Variants in ZNF334 observed in about 807,000 individuals in gnomAD.
ZNF334 encodes the protein zinc finger protein 334.
ZNF334 carries 14 observed loss-of-function variants against 12.4 expected under a neutral mutation model. The observed-to-expected ratio is 1.13, with a 90% confidence interval of 0.74 to 1.76. The LOEUF is 1.76. ZNF334 is among the 40% of genes most tolerant of loss of function. ZNF334 has a pLI of 0.00. For missense variants in ZNF334, 797 were observed against 804.5 expected (o/e 0.99, Z 0.11); for synonymous variants, 273 against 269.6 (o/e 1.01, Z -0.12).
chr20:46,469,090 T>A, the ZNF334 span, among the ~76,000 whole-genome samples: 44 of 152,214 alleles, frequency 2.9e-4, no homozygotes, highest in Non-Finnish European at 5.9e-4. Context: ...TTACTTTTTT[T>A]ATCAACAAAA....
chr20:46,463,727 G>A, the ZNF334 span: 1 of 235,164 alleles, frequency 4.3e-6, no homozygotes, highest in African/African-American at 2.2e-5. Flanking sequence ...CACACTCCTT[G>A]GGGAAAGGTC....
chr20:46,501,104 T>C lies in ZNF334; in HGVS notation c.*192A>G, dbSNP rs2061141678. 2 of 627,994 alleles carry C rather than the reference T, an allele frequency of 3.2e-6. No homozygotes were observed. Among genetic ancestry groups the C allele is most frequent in the Non-Finnish European group, 2.6e-6 (1 of 384,500 alleles). 38.9% of individuals were successfully genotyped at this position (627,994 alleles called of 1,614,324 possible). On this transcript the variant is annotated 3_prime_UTR_variant, in exon 5 of 5. Transcript: ENST00000692313. ...TATTTTCATAGTTCACAATGAATAA[T>C]ACATTTATTAAACAAATTATTTCTT...
At chr20:46,463,536 G>A in the ZNF334 span, among the ~76,000 whole-genome samples, 1 of 152,146 alleles carries the variant, frequency 6.6e-6, no homozygotes, top group Non-Finnish European at 1.5e-5. Context: ...CCCAAAGCAG[G>A]GCCGCAGCTT....
the ZNF334 span, among the ~76,000 whole-genome samples, chr20:46,482,951 T>C: frequency 6.6e-6 from 1 of 152,166 alleles, no homozygotes; most frequent in African/African-American, 2.4e-5. Context: ...TCTCTACATA[T>C]TCTTAAACTT....
chr20:46,495,621 C>T (rs571915082), downstream of ZNF334, among the ~76,000 whole-genome samples: 43 of 152,090 alleles, frequency 2.8e-4, no homozygotes, highest in Non-Finnish European at 5.6e-4. Context: ...TTTAAATTAT[C>T]ATGGGGTATA....
At chr20:46,503,625 C>G (rs1212110271) in intron 4 of ZNF334, among the ~76,000 whole-genome samples, 3 of 152,050 alleles carry the variant, frequency 2.0e-5, no homozygotes, top group African/African-American at 7.2e-5. Flanking sequence ...CGAATTTGTA[C>G]AGTGCAAAGG....
chr20:46,465,915 A>G, the ZNF334 span, among the ~76,000 whole-genome samples: 4 of 152,040 alleles, frequency 2.6e-5, no homozygotes, highest in African/African-American at 9.7e-5. Context: ...AGATCGTGCC[A>G]CTTACTCCAG....
rs774886545 is a variant in ZNF334, at chr20:46,509,648, G to A, written c.21+2434C>T. On this transcript the variant is annotated intron_variant, in intron 2 of 4. Coordinates refer to ENST00000692313, the MANE Select transcript of ZNF334 (RefSeq NM_001353824.2). ...TTCCCTTCATTCAAGGTTCACCCACGGTGAGTTAACTTGCGCACACTTCCA... is the reference window on the plus strand; with the variant it reads ...TTCCCTTCATTCAAGGTTCACCCACAGTGAGTTAACTTGCGCACACTTCCA... 2.7e-5 allele frequency: 19 copies of A among 702,984 alleles called. 1 individual carries two copies. Among genetic ancestry groups the A allele is most frequent in the South Asian group, 2.5e-4 (17 of 67,596 alleles). The allele number at this position is 702,984 out of a possible 1,614,324, so 43.5% of individuals were successfully genotyped here.
At chr20:46,484,913 GA>G in the ZNF334 span, 5 of 165,470 alleles carry the variant, frequency 3.0e-5, no homozygotes, top group Middle Eastern at 3.4e-3. Context: ...GGAAGATTGA[GA>G]TGTTAATGAG....
Position 46,508,523 on chromosome 20 carries a change from G to A in ZNF334, c.21+3559C>T, listed in dbSNP as rs1337937494. Reference sequence around the variant, plus strand: ...TCAAGGAGCAAACAGTAGAAACACGGTTAAAAGCAAGAGTGTAAAATTTGG... The same window carrying A: ...TCAAGGAGCAAACAGTAGAAACACGATTAAAAGCAAGAGTGTAAAATTTGG... On this transcript the variant is annotated intron_variant, in intron 2 of 4. Transcript: ENST00000692313. Among the ~76,000 whole-genome samples the A allele has an allele frequency of 2.0e-5, 3 of 152,240 alleles. No individual in the cohort carries two copies. The East Asian group carries it at 5.8e-4, about 29-fold the overall frequency.
chr20:46,466,018 G>C, the ZNF334 span, among the ~76,000 whole-genome samples: 1 of 152,058 alleles, frequency 6.6e-6, no homozygotes, highest in Non-Finnish European at 1.5e-5. Flanking sequence ...TTCATGTTAG[G>C]AAACTAGAGG....
At position 46,504,754 on chromosome 20, in the gene ZNF334, T is replaced by C; in HGVS notation, c.22-14A>G. On this transcript the variant is annotated splice_polypyrimidine_tract_variant and intron_variant, in intron 2 of 4. Coordinates refer to ENST00000692313, the MANE Select transcript of ZNF334 (RefSeq NM_001353824.2). Reference sequence around the variant, plus strand: ...TGAAACTGGTATCTGAAAGAAAATGTTTAATCTTGGGTGACCAAAATTGAG... The same window carrying C: ...TGAAACTGGTATCTGAAAGAAAATGCTTAATCTTGGGTGACCAAAATTGAG... 1 of 1,592,746 alleles carries C rather than the reference T, an allele frequency of 6.3e-7. No individual in the cohort carries two copies. The highest frequency in any genetic ancestry group is 1.4e-5 in the African/African-American group (1 of 73,932).
chr20:46,471,647 T>TC, the ZNF334 span, among the ~76,000 whole-genome samples: 1 of 152,112 alleles, frequency 6.6e-6, no homozygotes, highest in East Asian at 1.9e-4. Flanking sequence ...AAGGTAGATT[T>TC]CTTTCTTTCT....
the ZNF334 span, among the ~76,000 whole-genome samples, chr20:46,462,371 CT>C: frequency 6.6e-6 from 1 of 152,200 alleles, no homozygotes; most frequent in Non-Finnish European, 1.5e-5. Flanking sequence ...GTCTCCTCCC[CT>C]TTAGCAGAAA....
intron 2 of ZNF334, among the ~76,000 whole-genome samples, chr20:46,510,033 G>A (rs910647956): frequency 6.6e-6 from 1 of 152,136 alleles, no homozygotes; most frequent in African/African-American, 2.4e-5. Context: ...ACACACAATT[G>A]TTTGATCAAT....
chr20:46,479,068 T>G, the ZNF334 span, among the ~76,000 whole-genome samples: 1 of 152,166 alleles, frequency 6.6e-6, no homozygotes, highest in East Asian at 1.9e-4. Context: ...ACTTAGTGGC[T>G]CAAAATAAAA....
intron 2 of ZNF334, among the ~76,000 whole-genome samples, chr20:46,510,447 C>T (rs1310259921): frequency 1.3e-5 from 2 of 152,042 alleles, no homozygotes; most frequent in Admixed American, 6.6e-5. Context: ...GACTTCAGGC[C>T]GGGCGCGATG....
downstream of ZNF334, among the ~76,000 whole-genome samples, chr20:46,498,567 T>C (rs918599552): frequency 6.6e-6 from 1 of 152,150 alleles, no homozygotes; most frequent in Non-Finnish European, 1.5e-5. Context: ...CCTAGCCAAG[T>C]TACTCTACAA....
At chr20:46,511,919 T>C (rs544179472) in intron 2 of ZNF334, among the ~76,000 whole-genome samples, 163 bp downstream of exon 2, 2 of 152,374 alleles carry the variant, frequency 1.3e-5, no homozygotes, top group African/African-American at 2.4e-5. Flanking sequence ...TGAGTAACTC[T>C]ATAGGAATAT....
Sources: allele counts gnomAD v4.1 joint callset (sites outside exome capture counted in the v4.1 genomes callset), GRCh38; gene constraint gnomAD v4.1.1; transcripts MANE v1.5; gene names NCBI Gene and HGNC (gene_info 2026-07-23, HGNC 2026-07-21).